Variants in PARVB observed in about 807,000 individuals in gnomAD.
PARVB encodes the protein beta-parvin.
Under a neutral mutation model 47.0 loss-of-function variants are expected in PARVB, and 46 were observed. The observed-to-expected ratio is 0.98, with a 90% CI of 0.77 to 1.25. PARVB has a LOEUF of 1.25. PARVB is among the 50% of genes most tolerant of loss of function. PARVB has a pLI of 0.00. For synonymous variants in PARVB, 196 were observed against 196.3 expected, an observed-to-expected ratio of 1.00 and a Z score of 0.01; for missense variants, 473 against 471.6, an observed-to-expected ratio of 1.00 and a Z score of -0.03.
At chr22:44,026,145 G>C (rs751311695) in intron 1 of PARVB, among the ~76,000 whole-genome samples, 30 of 152,322 alleles carry the variant, frequency 2.0e-4, no homozygotes, top group Middle Eastern at 3.4e-3. Flanking sequence ...TCTCGGAATA[G>C]GAAGAACACA....
chr22:44,093,332 G>A (rs1388145221), intron 1 of PARVB, among the ~76,000 whole-genome samples: 1 of 152,220 alleles, frequency 6.6e-6, no homozygotes, highest in Admixed American at 6.5e-5. Flanking sequence ...CTTGAGACAG[G>A]AGGTCATGGT....
rs1376407956 is a variant in PARVB at position 44,169,256 on chromosome 22, A to T, written c.*578A>T. 6.6e-6 allele frequency: 1 copy of T among 150,944 alleles called. No homozygotes were observed. The highest frequency in any genetic ancestry group is 2.5e-5 in the African/African-American group (1 of 39,634). 9.4% of individuals were successfully genotyped at this position (150,944 alleles called of 1,614,324 possible). A position where few individuals can be genotyped will look rare whatever the true frequency, so the allele number is the denominator to read the frequency against. ...AAAGTCCCAGAAGCTTAGATGTGACATGGGTGTCCTCCACCCACATTCCTA... is the reference window on the plus strand; with the variant it reads ...AAAGTCCCAGAAGCTTAGATGTGACTTGGGTGTCCTCCACCCACATTCCTA... On this transcript the variant is annotated 3_prime_UTR_variant, in exon 13 of 13. Transcript: ENST00000338758.
chr22:44,133,916 G>A (rs934648049), intron 6 of PARVB, among the ~76,000 whole-genome samples: 8 of 152,220 alleles, frequency 5.3e-5, no homozygotes, highest in Non-Finnish European at 1.2e-4. Flanking sequence ...TGCAATGAGC[G>A]CCTACTATTC....
chr22:44,014,558 TTCTC>T (rs1317399568), intron 2 of PARVB, among the ~76,000 whole-genome samples: 1 of 152,242 alleles, frequency 6.6e-6, no homozygotes, highest in Admixed American at 6.5e-5. Context: ...TCTCATTAAA[TTCTC>T]TCTTTTTATT....
upstream of PARVB, among the ~76,000 whole-genome samples, chr22:44,021,759 TCACACACACA>T (rs3223605): frequency 0.046 from 4,754 of 102,608 alleles, 113 homozygotes; most frequent in African/African-American, 0.077. Flanking sequence ...AAGTCTAGAC[TCACACACACA>T]CACACACACA....
intron 2 of PARVB, among the ~76,000 whole-genome samples, chr22:44,012,581 C>T (rs555087639): frequency 6.6e-6 from 1 of 152,268 alleles, no homozygotes; most frequent in South Asian, 2.1e-4. Context: ...GAAAACCCTA[C>T]CCCAAAGTGC....
intron 12 of PARVB, among the ~76,000 whole-genome samples, chr22:44,164,415 C>CCA (rs1555913792): frequency 7.2e-6 from 1 of 139,178 alleles, no homozygotes; most frequent in Non-Finnish European, 1.6e-5. Context: ...CCTGTCCCCC[C>CCA]CCCGGCTCCT....
intron 2 of PARVB, among the ~76,000 whole-genome samples, chr22:44,012,460 AT>A (rs1431507486): frequency 2.0e-5 from 3 of 152,176 alleles, no homozygotes; most frequent in African/African-American, 7.2e-5. Context: ...TGCTCTTAGT[AT>A]TTACTGTGAA....
intron 2 of PARVB, among the ~76,000 whole-genome samples, chr22:44,095,544 A>G (rs944493098): frequency 1.3e-5 from 2 of 152,056 alleles, no homozygotes; most frequent in East Asian, 1.9e-4. Context: ...GCAAAACACA[A>G]TTAATATGCT....
chr22:44,124,837 G>A (rs954135858), intron 4 of PARVB, among the ~76,000 whole-genome samples: 2 of 152,170 alleles, frequency 1.3e-5, no homozygotes, highest in Admixed American at 6.5e-5. Context: ...CAGGGGATAC[G>A]TGGACTGCGG....
intron 1 of PARVB, among the ~76,000 whole-genome samples, chr22:44,047,210 C>T (rs1169235287): frequency 6.6e-6 from 1 of 152,114 alleles, no homozygotes; most frequent in Non-Finnish European, 1.5e-5. Context: ...GTGGCACTGG[C>T]ATCTGGTTCT....
chr22:44,018,286 C>G (rs757337617), intron 2 of PARVB, among the ~76,000 whole-genome samples: 1 of 152,134 alleles, frequency 6.6e-6, no homozygotes, highest in Non-Finnish European at 1.5e-5. Flanking sequence ...TCTGTAATCC[C>G]AGCTACTTGG....
chr22:44,047,237 C>T lies in PARVB; in HGVS notation c.112+22786C>T, dbSNP rs370991603. Among the ~76,000 whole-genome samples the T allele has an allele frequency of 2.6e-5, 4 of 152,172 alleles. No homozygotes were observed. In the East Asian group the frequency reaches 7.7e-4, roughly 29 times the overall value. On this transcript the variant is annotated intron_variant, in intron 1 of 12. Coordinates refer to ENST00000338758, the MANE Select transcript of PARVB (RefSeq NM_013327.5). ...TCTGGTTCTGGGGAGGCCTCAGGGG[C>T]TTCTCCTCATAGTGGAAGGTGAAGA...
chr22:44,147,671 G>A (rs895368696), intron 8 of PARVB, 190 bp from the exon 9 acceptor site: 10 of 749,510 alleles, frequency 1.3e-5, no homozygotes, highest in South Asian at 4.1e-5. Flanking sequence ...GCTCTTGCTC[G>A]CCTTGGTTTG....
chr22:44,136,505 AC>A lies in PARVB; in HGVS notation c.681del (p.Thr228GlnfsTer5), dbSNP rs1569145323. 1.2e-6 allele frequency: 2 copies of A among 1,613,828 alleles called. No homozygotes were observed. The highest frequency in any genetic ancestry group is 1.7e-6 in the Non-Finnish European group (2 of 1,179,856). ...TTCCAGCCACATCTCGGAGGAGCTG[AC>A]CACAACTACAGAGTAAGTGGACCCC... is the stretch of plus-strand genomic sequence containing the variant. ...LHSSHISEELTTTTEMMMGRF... is the reference protein window; with the variant it reads ...LHSSHISEELXTTTEMMMGRF... On this transcript the variant is annotated frameshift_variant, in exon 7 of 13. Coordinates refer to ENST00000338758, the MANE Select transcript of PARVB (RefSeq NM_013327.5). LOFTEE classifies it high-confidence loss of function.
chr22:44,120,021 T>C (rs1050290113), intron 4 of PARVB: 3 of 390,536 alleles, frequency 7.7e-6, no homozygotes, highest in African/African-American at 6.2e-5. Context: ...ATTGTCACAA[T>C]GGTCCTAGGG....
At chr22:44,164,570 G>C (rs2054126274) in intron 12 of PARVB, among the ~76,000 whole-genome samples, 1 of 152,218 alleles carries the variant, frequency 6.6e-6, no homozygotes, top group Admixed American at 6.5e-5. Context: ...TTACAGGGCA[G>C]AGCTGAACAT....
chr22:44,106,664 T>G (rs1475226093), intron 3 of PARVB: 1 of 152,130 alleles, frequency 6.6e-6, no homozygotes, highest in East Asian at 1.9e-4. Flanking sequence ...AGTTTTCTCT[T>G]TCTCTGTTCT....
chr22:44,057,620 A>C (rs902668765), intron 1 of PARVB, among the ~76,000 whole-genome samples: 1 of 152,024 alleles, frequency 6.6e-6, no homozygotes, highest in African/African-American at 2.4e-5. Flanking sequence ...TGGATATAGC[A>C]GGAGGCCCAC....
Sources: gnomAD v4.1 joint callset for allele counts (sites outside exome capture counted in the v4.1 genomes callset) on GRCh38, gnomAD v4.1.1 for gene constraint, MANE v1.5 for transcripts, NCBI Gene and HGNC (gene_info 2026-07-23, HGNC 2026-07-21) for gene names.